Variants in GFRA2 observed in about 807,000 individuals in gnomAD.
The protein encoded by GFRA2 is GDNF family receptor alpha-2.
In GFRA2, 17 loss-of-function variants were observed where a neutral mutation model predicts 48.3. The ratio of observed to expected loss-of-function variants is 0.35; its 90% CI spans 0.24 to 0.53. The LOEUF (loss-of-function observed/expected upper bound fraction) is 0.53, where lower values mean the gene tolerates loss of function less well. Ranked by LOEUF, GFRA2 falls within the 20% of genes least tolerant of loss-of-function variation. The pLI, the probability that GFRA2 is intolerant of heterozygous loss-of-function variation, is 0.93. For synonymous variants in GFRA2, 305 were observed against 257.2 expected (o/e 1.19, Z -1.78); for missense variants, 660 against 637.3 (o/e 1.04, Z -0.38).
chr8:21,794,388 T>C (rs1807632781), intron 2 of GFRA2, among the ~76,000 whole-genome samples: 2 of 151,876 alleles, frequency 1.3e-5, no homozygotes, highest in East Asian at 2.0e-4. Context: ...GTAGCTGAGA[T>C]TACAGGCACC....
chr8:21,702,866 T>C lies in GFRA2; in HGVS notation c.1157A>G (p.Asp386Gly), dbSNP rs1320701294. 2 of 1,609,784 alleles carry C rather than the reference T, an allele frequency of 1.2e-6. No individual in the cohort carries two copies. Among genetic ancestry groups the C allele is most frequent in the Admixed American group, 1.7e-5 (1 of 59,628 alleles). ...CAAGCTGGTACTGTCACTGAGGTCA[T>C]CTGGCAAAGAAGGCGTCTTCTCCAC... ...PRVEKTPSLP[D>G]DLSDSTSLGT... The change falls in exon 7 of 9, where the codon GAT (aspartate) becomes GGT (glycine). Residue 386 changes from aspartate to glycine, a missense_variant. Physicochemically the swap from Asp to Gly is moderately conservative, Grantham distance 94. Coordinates refer to ENST00000524240, the MANE Select transcript of GFRA2 (RefSeq NM_001495.5).
rs375079421 is a variant in GFRA2 at position 21,768,538 on chromosome 8, A to G, written c.439+6434T>C. On this transcript the variant is annotated intron_variant, in intron 3 of 8. Coordinates refer to ENST00000524240, the MANE Select transcript of GFRA2 (RefSeq NM_001495.5). ...TTTTGCTCAGCAGCCCAAGGAGAGC[A>G]GGGGGTGCCTGCACAAAGGCTGGGT... Among the ~76,000 whole-genome samples the G allele has an allele frequency of 4.6e-5, 7 of 152,260 alleles. No individual in the cohort carries two copies. In the East Asian group the frequency reaches 5.8e-4, roughly 13 times the overall value.
In GFRA2 at chr8:21,782,609, T is replaced by C; in HGVS notation, c.331A>G (p.Ser111Gly). 1 of 1,583,492 alleles carries C rather than the reference T, an allele frequency of 6.3e-7. No individual in the cohort carries two copies. Among genetic ancestry groups the C allele is most frequent in the Non-Finnish European group, 8.6e-7 (1 of 1,165,496 alleles). The part of the protein sequence containing the change: ...KELQCLQIYW[S>G]IHLGLTEGEE... ...CCCTCGGTCAGCCCCAGGTGGATGC[T>C]CCAGTAGATCTGCAGACACTGCAGC... Residue 111 changes from serine (S) to glycine (G), a missense_variant, in exon 2 of 9, where the codon AGC becomes GGC. Ser to Gly is a moderately conservative substitution (Grantham distance 56). Transcript: ENST00000524240.
At chr8:21,714,401 A>G (rs1406519548) in intron 4 of GFRA2, among the ~76,000 whole-genome samples, 1 of 151,758 alleles carries the variant, frequency 6.6e-6, no homozygotes, top group Admixed American at 6.6e-5. Context: ...GGTATGCACC[A>G]CCATGCCTGG....
intron 4 of GFRA2, among the ~76,000 whole-genome samples, chr8:21,719,554 C>A (rs1157493929): frequency 6.6e-6 from 1 of 152,190 alleles, no homozygotes. Context: ...CATAAGCAAA[C>A]CCCGAGTCAC....
chr8:21,752,209 C>A (rs1330357352), intron 3 of GFRA2, among the ~76,000 whole-genome samples: 1 of 152,158 alleles, frequency 6.6e-6, no homozygotes, highest in Non-Finnish European at 1.5e-5. Context: ...ACCACACACC[C>A]CTCTTAAGCT....
At chr8:21,703,250 A>C (rs1176595624) in intron 6 of GFRA2, among the ~76,000 whole-genome samples, 2 of 152,138 alleles carry the variant, frequency 1.3e-5, no homozygotes, top group African/African-American at 4.8e-5. Context: ...AGAAGAAAAA[A>C]GGAGAAAAAG....
chr8:21,733,626 T>C (rs967025171), intron 4 of GFRA2, among the ~76,000 whole-genome samples: 11 of 152,324 alleles, frequency 7.2e-5, no homozygotes, highest in South Asian at 4.1e-4. Context: ...GCCCACTGGA[T>C]ACCCTGCTCT....
At chr8:21,765,109 TTTTA>T (rs1220564195) in intron 3 of GFRA2, among the ~76,000 whole-genome samples, 6 of 143,256 alleles carry the variant, frequency 4.2e-5, no homozygotes, top group Non-Finnish European at 3.0e-5. Context: ...TCTTTTTATT[TTTTA>T]TTTATTTATT....
intron 4 of GFRA2, among the ~76,000 whole-genome samples, chr8:21,729,298 C>A (rs1197118671): frequency 6.6e-6 from 1 of 152,178 alleles, no homozygotes; most frequent in African/African-American, 2.4e-5. Context: ...CCACTGCACT[C>A]CAGCCTGGGC....
chr8:21,801,315 G>A (rs1807766334), intron 2 of GFRA2, among the ~76,000 whole-genome samples: 1 of 152,116 alleles, frequency 6.6e-6, no homozygotes, highest in Non-Finnish European at 1.5e-5. Context: ...TGGGAGGCAG[G>A]AGGACAGGGC....
Position 21,706,308 on chromosome 8 carries a change from A to C in GFRA2, c.795-267T>G, listed in dbSNP as rs957988734. ...ATTGGCTGACAAAAAGGACCCCTCA[A>C]GGCACAGAAACAGCCTGCTCTAAAT... On this transcript the variant is annotated intron_variant, in intron 4 of 8. Transcript: ENST00000524240. 3.3e-4 allele frequency: 198 copies of C among 593,484 alleles called. 2 individuals carry two copies. The Admixed American group carries it at 4.1e-3, about 12-fold the overall frequency. The allele number at this position is 593,484 out of a possible 1,614,324, so 36.8% of individuals were successfully genotyped here.
At chr8:21,774,905 G>T in intron 3 of GFRA2, 67 bp downstream of exon 3, 1 of 870,868 alleles carries the variant, frequency 1.1e-6, no homozygotes, top group East Asian at 2.4e-5. Context: ...TCCAAGCCCA[G>T]AGCTCCATCT....
chr8:21,723,919 A>G (rs577073337), intron 4 of GFRA2, among the ~76,000 whole-genome samples: 1 of 152,252 alleles, frequency 6.6e-6, no homozygotes, highest in East Asian at 1.9e-4. Context: ...CAGGTGGCAG[A>G]AGACAGAGGC....
At chr8:21,737,890 C>T (rs1046713973) in intron 4 of GFRA2, among the ~76,000 whole-genome samples, 7 of 152,180 alleles carry the variant, frequency 4.6e-5, no homozygotes, top group Admixed American at 1.3e-4. Flanking sequence ...TCTCCCCAAA[C>T]GAGCTGAAAC....
At chr8:21,774,437 G>A (rs1462169472) in intron 3 of GFRA2, among the ~76,000 whole-genome samples, 11 of 152,174 alleles carry the variant, frequency 7.2e-5, no homozygotes, top group Non-Finnish European at 1.2e-4. Context: ...CCTCAAGAGA[G>A]AGGGAAAACC....
At chr8:21,749,809 C>G (rs1805189818) in intron 4 of GFRA2, among the ~76,000 whole-genome samples, 1 of 151,616 alleles carries the variant, frequency 6.6e-6, no homozygotes, top group Non-Finnish European at 1.5e-5. Context: ...AGCTATGTAA[C>G]CTTGAGCAAG....
intron 3 of GFRA2, among the ~76,000 whole-genome samples, chr8:21,771,979 T>C (rs1350878128): frequency 1.3e-5 from 2 of 152,142 alleles, no homozygotes; most frequent in Non-Finnish European, 2.9e-5. Flanking sequence ...AACAAGACTT[T>C]GCAGCCAGCG....
At chr8:21,704,309 AG>A (rs1802632395) in intron 6 of GFRA2, among the ~76,000 whole-genome samples, 2 of 152,194 alleles carry the variant, frequency 1.3e-5, no homozygotes, top group African/African-American at 4.8e-5. Flanking sequence ...GGGCTCCTCA[AG>A]AACCCTGTGC....
Sources: allele counts gnomAD v4.1 joint callset (sites outside exome capture counted in the v4.1 genomes callset), GRCh38; gene constraint gnomAD v4.1.1; transcripts MANE v1.5; gene names NCBI Gene and HGNC (gene_info 2026-07-23, HGNC 2026-07-21).